The following SNED1 variants were observed in gnomAD, a reference collection of about 807,000 sequenced individuals.
SNED1 encodes sushi, nidogen and EGF like domains 1.
SNED1 carries 81 observed loss-of-function variants against 166.7 expected under a neutral mutation model. The ratio of observed to expected loss-of-function variants is 0.49; its 90% CI spans 0.41 to 0.58. The LOEUF is 0.58. SNED1 is among the 20% of genes least tolerant of loss of function. The pLI is 0.00. For synonymous variants in SNED1, 762 were observed against 822.0 expected (o/e 0.93, Z 1.25); for missense variants, 1,604 against 2,000.2 (o/e 0.80, Z 3.78).
chr2:241,051,594 C>T lies in SNED1; in HGVS notation c.1736-150C>T, dbSNP rs1408209441. On this transcript the variant is annotated intron_variant, in intron 12 of 31. Transcript: ENST00000310397. This position sits in a 1 kb window ranked among gnomAD's most constrained non-coding sequence, Gnocchi z 4.7. ...CCCAGCCCCCACCATGTGTGCGGAC[C>T]TGCTTGGCCCCTGCTGCAGCCAGGC... 2 of 582,516 alleles carry T rather than the reference C, an allele frequency of 3.4e-6. No individual in the cohort carries two copies. The highest frequency in any genetic ancestry group is 5.8e-6 in the Non-Finnish European group (2 of 342,896). The allele number at this position is 582,516 out of a possible 1,614,324, so 36.1% of individuals were successfully genotyped here.
chr2:241,016,297 G>A (rs897968359), intron 1 of SNED1, among the ~76,000 whole-genome samples: 4 of 147,896 alleles, frequency 2.7e-5, no homozygotes, highest in Admixed American at 7.0e-5. Context: ...CGGGGTTCAC[G>A]CTATTCTCCT....
chr2:241,070,501 G>A (rs114262236), intron 24 of SNED1, among the ~76,000 whole-genome samples: 3,921 of 152,330 alleles, frequency 0.026, 82 homozygotes, highest in Middle Eastern at 0.058. Flanking sequence ...AACGGGTGCC[G>A]AGGGTGGCAG....
Position 241,052,078 on chromosome 2 carries a change from C to T in SNED1, c.1890C>T (p.Asn630=), listed in dbSNP as rs749301722. The change falls in exon 14 of 32, where the codon AAC becomes AAT. Residue 630 remains asparagine, a synonymous_variant. Transcript: ENST00000310397. ...PDSCASGPCH[N]GGTCFHYIGK... The stretch of plus-strand genomic sequence containing the variant: ...CGTGTGCCTCTGGCCCCTGTCACAA[C>T]GGCGGCACCTGCTTCCACTACATTG... 15 of 1,613,786 alleles carry T rather than the reference C, an allele frequency of 9.3e-6. No homozygotes were observed. Among genetic ancestry groups the T allele is most frequent in the Middle Eastern group, 1.6e-4 (1 of 6,084 alleles).
intron 1 of SNED1, 69 bp from the exon 2 acceptor site, chr2:241,030,215 G>A (rs1278454305): frequency 5.6e-6 from 8 of 1,421,304 alleles, no homozygotes; most frequent in Non-Finnish European, 6.6e-6. Flanking sequence ...AGGGGCTGGG[G>A]AGGCTGCTGG....
At chr2:241,078,771 G>C (rs1008932458) in intron 27 of SNED1, among the ~76,000 whole-genome samples, 2 of 151,746 alleles carry the variant, frequency 1.3e-5, no homozygotes, top group African/African-American at 2.4e-5. Flanking sequence ...TGTACACTTT[G>C]GGTGAATTTT....
At chr2:241,083,030 A>G (rs763185877) in intron 29 of SNED1, among the ~76,000 whole-genome samples, 25 of 152,196 alleles carry the variant, frequency 1.6e-4, no homozygotes, top group Non-Finnish European at 3.4e-4. Context: ...CCCTGCCTTC[A>G]GGACCCGTTC....
intron 2 of SNED1, among the ~76,000 whole-genome samples, chr2:241,032,874 T>C (rs1471225780): frequency 6.6e-6 from 1 of 152,244 alleles, no homozygotes; most frequent in Non-Finnish European, 1.5e-5. Context: ...TATTGATCTG[T>C]AGTTCTTGAA....
chr2:241,004,311 A>G (rs577368027), intron 1 of SNED1, among the ~76,000 whole-genome samples: 6 of 152,336 alleles, frequency 3.9e-5, no homozygotes, highest in African/African-American at 9.6e-5. Context: ...AAAAAAAAGA[A>G]GTGTAGTACT....
At chr2:241,087,938 A>T (rs1044806695) in intron 30 of SNED1, 51 of 405,620 alleles carry the variant, frequency 1.3e-4, no homozygotes, top group African/African-American at 1.0e-3. Context: ...GAAACCACAG[A>T]GTCGAAGCCT....
At chr2:241,042,831 C>G (rs550995437) in intron 8 of SNED1, among the ~76,000 whole-genome samples, 1 of 152,180 alleles carries the variant, frequency 6.6e-6, no homozygotes, top group South Asian at 2.1e-4. Flanking sequence ...GAGAATAAGA[C>G]TAAAAGAAAA....
In SNED1 at chr2:241,018,193, G is replaced by A. The variant is rs367827639; in HGVS notation, c.214-12091G>A. Among the ~76,000 whole-genome samples, 3 of 152,308 alleles carry A rather than the reference G, an allele frequency of 2.0e-5. No individual in the cohort carries two copies. Among genetic ancestry groups the A allele is most frequent in the South Asian group, 4.1e-4 (2 of 4,830 alleles). ...TTAAGTCTTTTTGCCATGTCACCGC[G>A]CATTTGCAGCTTTGGTCACCATACA... On this transcript the variant is annotated intron_variant, in intron 1 of 31. Coordinates refer to ENST00000310397, the MANE Select transcript of SNED1 (RefSeq NM_001080437.3). The surrounding 1 kb of genome is among the most constrained non-coding windows in gnomAD (Gnocchi z 5.4).
chr2:241,038,728 G>C (rs1413902344), intron 6 of SNED1, among the ~76,000 whole-genome samples: 1 of 152,266 alleles, frequency 6.6e-6, no homozygotes, highest in Non-Finnish European at 1.5e-5. Flanking sequence ...GGCAGACTCA[G>C]CCCTGCAGGC....
intron 21 of SNED1, among the ~76,000 whole-genome samples, chr2:241,065,824 C>T (rs570361190): frequency 6.6e-6 from 1 of 152,256 alleles, no homozygotes; most frequent in African/African-American, 2.4e-5. Flanking sequence ...CGCATAGAAT[C>T]GAGCCAAGAG....
rs1306130441 is a variant in SNED1 at position 241,036,976 on chromosome 2, G to A, written c.931+61G>A. ...CTGCGCTGGGCTCAGGAGGAGCACT[G>A]TAGGCTCCGCCAGTGGCCCTGGGCG... On this transcript the variant is annotated intron_variant, in intron 5 of 31. Coordinates refer to ENST00000310397, the MANE Select transcript of SNED1 (RefSeq NM_001080437.3). 1.1e-5 allele frequency: 17 copies of A among 1,548,198 alleles called. No individual in the cohort carries two copies. The South Asian group carries it at 1.8e-4, about 16-fold the overall frequency.
At chr2:241,042,363 C>G (rs1301979053) in intron 8 of SNED1, among the ~76,000 whole-genome samples, 1 of 152,138 alleles carries the variant, frequency 6.6e-6, no homozygotes, top group African/African-American at 2.4e-5. Flanking sequence ...CCTGCCCTAA[C>G]AGATCTTAAA....
chr2:241,031,684 T>G (rs2061173395), intron 2 of SNED1, among the ~76,000 whole-genome samples: 5 of 152,248 alleles, frequency 3.3e-5, no homozygotes, highest in Non-Finnish European at 7.3e-5. Context: ...CCTTACTGGC[T>G]CTAGTCCGCC....
chr2:241,069,268 G>C lies in SNED1; in HGVS notation c.3307+245G>C, dbSNP rs536977262. On this transcript the variant is annotated intron_variant, in intron 23 of 31. Transcript: ENST00000310397. The surrounding 1 kb of genome is among the most constrained non-coding windows in gnomAD (Gnocchi z 4.9). ...AAGGCTCCTGGTAGCTCCTCAGCAT[G>C]GAGTTCCTACTGGACACCGACCAGA... 6.5e-4 allele frequency among the ~76,000 whole-genome samples: 99 copies of C among 152,300 alleles called. No homozygotes were observed. Among genetic ancestry groups the C allele is most frequent in the African/African-American group, 2.3e-3 (97 of 41,578 alleles).
intron 16 of SNED1, among the ~76,000 whole-genome samples, chr2:241,054,242 G>A (rs962381515): frequency 1.3e-5 from 2 of 152,126 alleles, no homozygotes; most frequent in Non-Finnish European, 2.9e-5. Context: ...CAGAGAATAT[G>A]AGCAACCAGC....
In SNED1 at chr2:241,064,876, G is replaced by A; in HGVS notation, c.2632G>A (p.Gly878Ser). The change falls in exon 20 of 32, where the codon GGC (glycine) becomes AGC (serine). Residue 878 changes from glycine (G) to serine (S), a missense_variant. Physicochemically the swap from Gly to Ser is moderately conservative, Grantham distance 56 (BLOSUM62 0). Transcript: ENST00000310397. This position sits in a 1 kb window ranked among gnomAD's most constrained non-coding sequence, Gnocchi z 7.0. ...SDPCFSSPCG[G>S]RGYCLASNGS... ...CCCCTGCTTCTCCAGCCCCTGTGGG[G>A]GCCGTGGCTATTGCCTGGCCAGCAA... 3 of 1,589,718 alleles carry A rather than the reference G, an allele frequency of 1.9e-6. No homozygotes were observed. Among genetic ancestry groups the A allele is most frequent in the Admixed American group, 1.9e-5 (1 of 52,232 alleles).
Sources: allele counts gnomAD v4.1 joint callset (sites outside exome capture counted in the v4.1 genomes callset), GRCh38; gene constraint gnomAD v4.1.1; non-coding constraint Gnocchi (gnomAD v3.1); transcripts MANE v1.5; gene names NCBI Gene and HGNC (gene_info 2026-07-23, HGNC 2026-07-21).